FOXP2: variants seen among roughly 807,000 people sequenced by gnomAD.
The protein encoded by FOXP2 is forkhead box protein P2.
A neutral mutation model predicts 115.8 loss-of-function variants in FOXP2; 12 were observed. The ratio of observed to expected loss-of-function variants is 0.10; its 90% CI spans 0.07 to 0.17. FOXP2 has a LOEUF of 0.17. FOXP2 is among the 10% of genes least tolerant of loss of function. FOXP2 has a pLI of 1.00. For missense variants in FOXP2, 629 were observed against 843.5 expected, an observed-to-expected ratio of 0.75 and a Z score of 3.15; for synonymous variants, 328 against 297.7, an observed-to-expected ratio of 1.10 and a Z score of -1.05.
intron 13 of FOXP2, chr7:114,661,734 A>C (rs1484765400): frequency 2.9e-6 from 1 of 339,696 alleles, no homozygotes; most frequent in Non-Finnish European, 5.7e-6. Flanking sequence ...TTGATCAGGG[A>C]CACAACAGAG....
chr7:114,412,674 G>C (rs970695329), upstream of FOXP2, among the ~76,000 whole-genome samples: 2 of 152,158 alleles, frequency 1.3e-5, no homozygotes, highest in African/African-American at 4.8e-5. Flanking sequence ...TTGTGCGGGA[G>C]GCACCTATGG....
At chr7:114,249,872 A>G (rs544199895) in intron 1 of FOXP2, among the ~76,000 whole-genome samples, 2 of 152,032 alleles carry the variant, frequency 1.3e-5, no homozygotes, top group South Asian at 4.2e-4. Flanking sequence ...ATATGTTTAC[A>G]TGTGCCATGT....
At chr7:114,290,962 G>A (rs538472935) in intron 2 of FOXP2, among the ~76,000 whole-genome samples, 2 of 152,040 alleles carry the variant, frequency 1.3e-5, no homozygotes, top group South Asian at 4.1e-4. Context: ...CATTTCAATC[G>A]TTGACTGTAT....
Position 114,232,790 on chromosome 7 carries a change from G to T in FOXP2, c.-101-55229G>T, listed in dbSNP as rs1397016392. ...ATCATGCCATTGCGCTCTAGCCTGG[G>T]CAAGAAGAGCGAAACTCCGTCTCAA... is the stretch of plus-strand genomic sequence containing the variant. On this transcript the variant is annotated intron_variant, in intron 1 of 17. Transcript: ENST00000634411. Among the ~76,000 whole-genome samples the T allele has an allele frequency of 4.7e-5, 7 of 149,130 alleles. No individual in the cohort carries two copies. In the East Asian group the frequency reaches 1.4e-3, roughly 29 times the overall value.
In FOXP2 at chr7:114,550,119, T is replaced by C. The variant is rs531109526; in HGVS notation, c.258+15413T>C. ...CTCATCTTCCTTTCTTTTCTTTTTTTTTTTTTTTTTTTTTTTGAGATGGAG... is the reference window on the plus strand; with the variant it reads ...CTCATCTTCCTTTCTTTTCTTTTTTCTTTTTTTTTTTTTTTTGAGATGGAG... On this transcript the variant is annotated intron_variant, in intron 3 of 16. Coordinates refer to ENST00000350908, the MANE Select transcript of FOXP2 (RefSeq NM_014491.4). Among the ~76,000 whole-genome samples the C allele has an allele frequency of 1.7e-3, 246 of 141,340 alleles. 1 individual carries two copies. Among genetic ancestry groups the C allele is most frequent in the Admixed American group, 4.9e-3 (70 of 14,242 alleles). 92.7% of individuals were successfully genotyped at this position (141,340 alleles called of 152,430 possible). A position where few individuals can be genotyped will look rare whatever the true frequency, so the allele number is the denominator to read the frequency against.
chr7:114,388,964 T>C (rs1236341875), intron 2 of FOXP2, among the ~76,000 whole-genome samples: 2 of 152,206 alleles, frequency 1.3e-5, no homozygotes, highest in African/African-American at 4.8e-5. Flanking sequence ...ACGTTGAATA[T>C]TACTGATGAT....
intron 2 of FOXP2, among the ~76,000 whole-genome samples, chr7:114,502,312 G>A (rs2129253252): frequency 6.6e-6 from 1 of 152,148 alleles, no homozygotes; most frequent in African/African-American, 2.4e-5. Context: ...CAGTGTTTTG[G>A]AAGTATAGTT....
chr7:114,284,131 AT>A (rs1369523661), intron 1 of FOXP2, among the ~76,000 whole-genome samples: 2 of 152,128 alleles, frequency 1.3e-5, no homozygotes, highest in Non-Finnish European at 2.9e-5. Flanking sequence ...TTGTAATCCA[AT>A]TTAAAAGGCT....
chr7:114,386,728 G>T (rs1792464781), intron 2 of FOXP2, among the ~76,000 whole-genome samples: 1 of 152,114 alleles, frequency 6.6e-6, no homozygotes. Context: ...AGGAGAGGAG[G>T]ATAATTTCTT....
chr7:114,683,569 GC>G lies in FOXP2; in HGVS notation c.2004-6212del, dbSNP rs549124862. Among the ~76,000 whole-genome samples, 470 of 152,268 alleles carry G rather than the reference GC, an allele frequency of 3.1e-3. 4 individuals are homozygous for G. Among genetic ancestry groups the G allele is most frequent in the African/African-American group, 0.01 (429 of 41,556 alleles). ...TTGAGCATCAGAATGACCAAAAAAT[GC>G]TTTGAAGGTTCAGAGTAGATCAATG... On this transcript the variant is annotated intron_variant, in intron 16 of 16. Coordinates refer to ENST00000350908, the MANE Select transcript of FOXP2 (RefSeq NM_014491.4).
intron 1 of FOXP2, among the ~76,000 whole-genome samples, chr7:114,098,663 T>A (rs1263635678): frequency 6.6e-6 from 1 of 151,938 alleles, no homozygotes; most frequent in Non-Finnish European, 1.5e-5. Context: ...TTGGCAATGA[T>A]TTTTTTTGGA....
intron 2 of FOXP2, among the ~76,000 whole-genome samples, chr7:114,439,000 A>G (rs1312814979): frequency 6.6e-6 from 1 of 152,200 alleles, no homozygotes; most frequent in Non-Finnish European, 1.5e-5. Context: ...GAAGAAGTCT[A>G]ATGTATGTGA....
intron 16 of FOXP2, among the ~76,000 whole-genome samples, chr7:114,688,147 T>C (rs1168349032): frequency 6.6e-6 from 1 of 150,916 alleles, no homozygotes; most frequent in Non-Finnish European, 1.5e-5. Flanking sequence ...TTTTCCTTTC[T>C]TTTAATTTTT....
intron 1 of FOXP2, among the ~76,000 whole-genome samples, chr7:114,140,957 G>A (rs1792191591): frequency 6.6e-6 from 1 of 152,172 alleles, no homozygotes; most frequent in African/African-American, 2.4e-5. Flanking sequence ...TATTTGTGCT[G>A]AAGCTGGGAT....
intron 2 of FOXP2, among the ~76,000 whole-genome samples, chr7:114,510,193 T>A (rs1431309447): frequency 6.6e-6 from 1 of 152,154 alleles, no homozygotes; most frequent in African/African-American, 2.4e-5. Context: ...AGAAGAGACC[T>A]CCTGAATGAG....
At chr7:114,611,806 T>C (rs769849506) in intron 3 of FOXP2, among the ~76,000 whole-genome samples, 1 of 152,136 alleles carries the variant, frequency 6.6e-6, no homozygotes. Context: ...TCTAACATAA[T>C]GATAACAATG....
chr7:114,196,712 C>CT (rs1352481039), intron 1 of FOXP2, among the ~76,000 whole-genome samples: 1 of 152,188 alleles, frequency 6.6e-6, no homozygotes, highest in Non-Finnish European at 1.5e-5. Flanking sequence ...GAATCAGACA[C>CT]TGTGGGTATG....
At chr7:114,263,201 C>T (rs1338872214) in intron 1 of FOXP2, among the ~76,000 whole-genome samples, 3 of 152,096 alleles carry the variant, frequency 2.0e-5, no homozygotes, top group Non-Finnish European at 2.9e-5. Context: ...GCTCACTATC[C>T]TTTATTTTAT....
chr7:114,469,022 A>T (rs1427801028), intron 2 of FOXP2, among the ~76,000 whole-genome samples: 1 of 152,060 alleles, frequency 6.6e-6, no homozygotes, highest in Admixed American at 6.5e-5. Flanking sequence ...TGGCAACTGA[A>T]ATGACTCATT....
Sources: gnomAD v4.1 joint callset for allele counts (sites outside exome capture counted in the v4.1 genomes callset) on GRCh38, gnomAD v4.1.1 for gene constraint, MANE v1.5 for transcripts, NCBI Gene and HGNC (gene_info 2026-07-23, HGNC 2026-07-21) for gene names.